Variants in SWAP70 observed in about 807,000 individuals in gnomAD.
The protein encoded by SWAP70 is switching B cell complex subunit SWAP70, also known as switch-associated protein 70.
In SWAP70, 34 loss-of-function variants were observed where a neutral mutation model predicts 80.2. The observed-to-expected ratio is 0.42, with a 90% CI of 0.32 to 0.56. SWAP70 has a LOEUF of 0.56. Among genes scored for constraint, SWAP70 ranks in the 20% least tolerant of loss-of-function variants. The pLI, the probability that SWAP70 is intolerant of heterozygous loss-of-function variation, is 0.09. For missense variants in SWAP70, 578 were observed against 690.7 expected (o/e 0.84, Z 1.83); for synonymous variants, 239 against 238.5 (o/e 1.00, Z -0.02).
chr11:9,670,410 G>A (rs1252373147), intron 1 of SWAP70, among the ~76,000 whole-genome samples: 2 of 152,158 alleles, frequency 1.3e-5, no homozygotes, highest in African/African-American at 2.4e-5. Flanking sequence ...AGCTGTTTAT[G>A]CAGTGATGCA....
intron 2 of SWAP70, among the ~76,000 whole-genome samples, chr11:9,706,159 GTATACTTGGTGATCTGTA>G (rs1850909387): frequency 2.2e-5 from 1 of 46,222 alleles, no homozygotes; most frequent in African/African-American, 1.2e-4. Flanking sequence ...GGTGATCTGT[GTATACTTGGTGATCTGTA>G]TACACTGGTG....
intron 1 of SWAP70, among the ~76,000 whole-genome samples, chr11:9,685,146 G>A (rs1248964574): frequency 3.3e-5 from 5 of 149,552 alleles, no homozygotes; most frequent in Non-Finnish European, 7.4e-5. Flanking sequence ...ATGGAGTCTC[G>A]CTCTGTGCCG....
At chr11:9,684,524 A>T (rs1477411913) in intron 1 of SWAP70, among the ~76,000 whole-genome samples, 1 of 152,124 alleles carries the variant, frequency 6.6e-6, no homozygotes, top group Non-Finnish European at 1.5e-5. Context: ...CTTCTCTCAC[A>T]CCTGCTTGTT....
At position 9,732,563 on chromosome 11, in the gene SWAP70, C is replaced by CAGCCCTCCACCACACAA; in HGVS notation, c.936_952dup (p.Glu318AlafsTer30). 2 of 1,606,530 alleles carry CAGCCCTCCACCACACAA rather than the reference C, an allele frequency of 1.2e-6. No individual in the cohort carries two copies. Among genetic ancestry groups the CAGCCCTCCACCACACAA allele is most frequent in the South Asian group, 2.2e-5 (2 of 90,006 alleles). ...CTACTATTCATCTGTTGAAGCTGGG[C>CAGCCCTCCACCACACAA]AGCCCTCCACCACACAAAGAAGCCC... On this transcript the variant is annotated frameshift_variant, in exon 7 of 12. Coordinates refer to ENST00000318950, the MANE Select transcript of SWAP70 (RefSeq NM_015055.4). LOFTEE classifies it high-confidence loss of function.
intron 2 of SWAP70, among the ~76,000 whole-genome samples, chr11:9,701,120 A>C (rs565069738): frequency 6.6e-6 from 1 of 151,706 alleles, no homozygotes; most frequent in Non-Finnish European, 1.5e-5. Flanking sequence ...TGAGACTTCA[A>C]ATGATTAACC....
chr11:9,701,198 T>TCTTA (rs952550643), intron 2 of SWAP70, among the ~76,000 whole-genome samples: 3 of 151,652 alleles, frequency 2.0e-5, no homozygotes, highest in African/African-American at 7.3e-5. Context: ...TTGAGACAAG[T>TCTTA]CTTACTCTTG....
chr11:9,730,846 C>G (rs528936923), intron 6 of SWAP70, among the ~76,000 whole-genome samples: 1 of 151,984 alleles, frequency 6.6e-6, no homozygotes, highest in African/African-American at 2.4e-5. Context: ...TGTGTAATGC[C>G]GAAGTTTGGG....
chr11:9,682,824 G>C (rs1850584559), intron 1 of SWAP70, among the ~76,000 whole-genome samples: 1 of 152,126 alleles, frequency 6.6e-6, no homozygotes. Context: ...TTACAGGCAT[G>C]TGCCACCACG....
chr11:9,672,203 A>G (rs1243101164), intron 1 of SWAP70, among the ~76,000 whole-genome samples: 3 of 124,894 alleles, frequency 2.4e-5, no homozygotes, highest in Non-Finnish European at 3.3e-5. Flanking sequence ...GTCTATATAT[A>G]TATATATATA....
intron 2 of SWAP70, among the ~76,000 whole-genome samples, chr11:9,699,684 A>C (rs539873410): frequency 6.6e-6 from 1 of 152,058 alleles, no homozygotes; most frequent in East Asian, 1.9e-4. Context: ...GTGAGATCCT[A>C]TCTCTATAAA....
At chr11:9,682,368 C>A (rs946943964) in intron 1 of SWAP70, among the ~76,000 whole-genome samples, 8 of 152,140 alleles carry the variant, frequency 5.3e-5, no homozygotes, top group African/African-American at 1.4e-4. Context: ...AATGGTGATA[C>A]CAAAGTCAGA....
Position 9,728,065 on chromosome 11 carries a change from A to G in SWAP70, c.655A>G (p.Lys219Glu). The change falls in exon 5 of 12, where the codon AAA (lysine) becomes GAA (glutamate). Residue 219 changes from lysine (K) to glutamate (E), a missense_variant. By Grantham distance (56) the Lys-to-Glu change is moderately conservative. Coordinates refer to ENST00000318950, the MANE Select transcript of SWAP70 (RefSeq NM_015055.4). ...LDVLKQGYMMKKGHRRKNWTE... is the reference protein window; with the variant it reads ...LDVLKQGYMMEKGHRRKNWTE... ...TAATCTTTCACAGGGTTACATGATG[A>G]AAAAGGGCCACAGACGGAAAAACTG... is the stretch of plus-strand genomic sequence containing the variant. 6.2e-7 allele frequency: 1 copy of G among 1,605,210 alleles called. No individual in the cohort carries two copies. Among genetic ancestry groups the G allele is most frequent in the Non-Finnish European group, 8.5e-7 (1 of 1,176,840 alleles).
intron 1 of SWAP70, among the ~76,000 whole-genome samples, chr11:9,685,633 C>G (rs1373343452): frequency 6.6e-6 from 1 of 152,014 alleles, no homozygotes; most frequent in Non-Finnish European, 1.5e-5. Flanking sequence ...AAAGGCCTCA[C>G]CTCTTTTTTT....
At position 9,750,733 on chromosome 11, in the gene SWAP70, C is replaced by T. The variant is rs948915120; in HGVS notation, c.*763C>T. ...GTATGTGCTGTTAAACTAGATTGGC[C>T]GGTTCGCTTTCCATTTCCTGACACT... is the stretch of plus-strand genomic sequence containing the variant. On this transcript the variant is annotated 3_prime_UTR_variant, in exon 12 of 12. Transcript: ENST00000318950. 5.3e-5 allele frequency: 8 copies of T among 152,256 alleles called. 1 individual carries two copies. Among genetic ancestry groups the T allele is most frequent in the African/African-American group, 9.7e-5 (4 of 41,446 alleles). The allele number at this position is 152,256 out of a possible 1,614,324, so 9.4% of individuals were successfully genotyped here.
intron 2 of SWAP70, among the ~76,000 whole-genome samples, chr11:9,705,117 A>G (rs112830006): frequency 0.034 from 4,485 of 131,044 alleles, 198 homozygotes; most frequent in African/African-American, 0.1. Flanking sequence ...GGTGATCTGT[A>G]TACACTTGGT....
chr11:9,715,207 G>A (rs1384902651), intron 3 of SWAP70, among the ~76,000 whole-genome samples: 1 of 151,954 alleles, frequency 6.6e-6, no homozygotes, highest in African/African-American at 2.4e-5. Context: ...TCAAACTCCT[G>A]GCCTCAAGTG....
Position 9,741,107 on chromosome 11 carries a change from C to G in SWAP70, c.1355+760C>G, listed in dbSNP as rs898369701. ...CAGGGTCCAGTCTTTGATCTCTGAC[C>G]CCCTGTTTTGGGGAGCAGTTATGAG... On this transcript the variant is annotated intron_variant, in intron 9 of 11. Transcript: ENST00000318950. The G allele has an allele frequency of 5.9e-5, 9 of 152,064 alleles. 1 individual carries two copies. Among genetic ancestry groups the G allele is most frequent in the African/African-American group, 1.9e-4 (8 of 41,378 alleles). The allele number at this position is 152,064 out of a possible 1,614,324, so 9.4% of individuals were successfully genotyped here.
intron 1 of SWAP70, among the ~76,000 whole-genome samples, chr11:9,677,428 A>G (rs1195362000): frequency 6.6e-6 from 1 of 152,160 alleles, no homozygotes; most frequent in Non-Finnish European, 1.5e-5. Flanking sequence ...ATAAAATTCT[A>G]AAGGGTATTT....
intron 1 of SWAP70, among the ~76,000 whole-genome samples, chr11:9,669,124 G>C (rs1316352052): frequency 6.6e-6 from 1 of 152,204 alleles, no homozygotes; most frequent in Non-Finnish European, 1.5e-5. Context: ...TTTAAAGGAA[G>C]AAGCGATTTC....
Sources: allele counts gnomAD v4.1 joint callset (sites outside exome capture counted in the v4.1 genomes callset), GRCh38; gene constraint gnomAD v4.1.1; transcripts MANE v1.5; gene names NCBI Gene and HGNC (gene_info 2026-07-23, HGNC 2026-07-21).